The following DLG2 variants were observed in gnomAD, a reference collection of about 807,000 sequenced individuals.
The protein encoded by DLG2 is disks large homolog 2.
In DLG2, 45 loss-of-function variants were observed where a neutral mutation model predicts 132.5. The ratio of observed to expected loss-of-function variants is 0.34; its 90% CI spans 0.27 to 0.44. The LOEUF (loss-of-function observed/expected upper bound fraction) is 0.44. DLG2 is among the 20% of genes least tolerant of loss of function. The probability of loss-of-function intolerance (pLI) is 1.00; values close to 1 mark genes in which losing one functional copy is unlikely to be tolerated. For synonymous variants in DLG2, 424 were observed against 419.6 expected, an observed-to-expected ratio of 1.01 and a Z score of -0.13; for missense variants, 1,045 against 1,196.9, an observed-to-expected ratio of 0.87 and a Z score of 1.87.
chr11:84,870,690 A>G (rs1289066262), intron 6 of DLG2, among the ~76,000 whole-genome samples: 1 of 152,212 alleles, frequency 6.6e-6, no homozygotes, highest in Non-Finnish European at 1.5e-5. Flanking sequence ...TAATACACAC[A>G]TTTATATATT....
chr11:84,373,265 C>CAAAAAAAAA (rs59038372), intron 7 of DLG2, among the ~76,000 whole-genome samples: 1,257 of 98,022 alleles, frequency 0.013, 75 homozygotes, highest in Non-Finnish European at 0.016. Context: ...AAAAAAAAAA[C>CAAAAAAAAA]AAAACAAAAA....
intron 17 of DLG2, chr11:83,789,900 A>G (rs1255222252): frequency 2.6e-6 from 2 of 759,458 alleles, no homozygotes; most frequent in Non-Finnish European, 3.8e-6. Flanking sequence ...GATGGCAATG[A>G]AAGTTTGTAA....
chr11:85,209,595 C>CCTTTT (rs1297055312), intron 4 of DLG2, among the ~76,000 whole-genome samples: 1 of 116,936 alleles, frequency 8.6e-6, no homozygotes, highest in South Asian at 2.8e-4. Context: ...ACCCAGCTAA[C>CCTTTT]TTTTTTTTTT....
At chr11:84,553,779 C>A (rs539995443) in intron 6 of DLG2, among the ~76,000 whole-genome samples, 12 of 152,266 alleles carry the variant, frequency 7.9e-5, no homozygotes, top group South Asian at 2.1e-4. Context: ...TATTGTGGAC[C>A]ATTCACATGT....
chr11:85,259,366 G>A (rs1914372), intron 4 of DLG2, among the ~76,000 whole-genome samples: 11,299 of 152,080 alleles, frequency 0.074, 734 homozygotes, highest in African/African-American at 0.17. Context: ...GCAGAAGCCT[G>A]TATATCCTGC....
In DLG2 at chr11:84,674,098, T is replaced by C. The variant is rs192055493; in HGVS notation, c.358-139367A>G. Among the ~76,000 whole-genome samples the C allele has an allele frequency of 8.3e-4, 126 of 152,272 alleles. 1 individual carries two copies. The highest frequency in any genetic ancestry group is 8.2e-3 in the Admixed American group (126 of 15,288). ...CTAGAACTGAAAGACAAAAATAGAA[T>C]TGGGCACAGTAGTGAAAGCAACATA... On this transcript the variant is annotated intron_variant, in intron 6 of 27. Transcript: ENST00000376104.
chr11:84,656,362 T>C (rs2099688259), intron 6 of DLG2, among the ~76,000 whole-genome samples: 1 of 152,136 alleles, frequency 6.6e-6, no homozygotes. Flanking sequence ...ATATAAAACA[T>C]AGGTCTGCTT....
At chr11:84,089,152 C>T (rs1415668639) in intron 10 of DLG2, among the ~76,000 whole-genome samples, 2 of 152,138 alleles carry the variant, frequency 1.3e-5, no homozygotes, top group African/African-American at 4.8e-5. Context: ...ATCTCTTATG[C>T]TATTTCCACT....
chr11:84,368,409 C>G (rs936274763), intron 7 of DLG2, among the ~76,000 whole-genome samples: 1 of 151,920 alleles, frequency 6.6e-6, no homozygotes, highest in Non-Finnish European at 1.5e-5. Flanking sequence ...TATAAATATT[C>G]TCCCAAGGTA....
chr11:85,334,723 ATTGTATTGTT>A (rs2152845695), intron 3 of DLG2, among the ~76,000 whole-genome samples: 1 of 152,078 alleles, frequency 6.6e-6, no homozygotes, highest in African/African-American at 2.4e-5. Context: ...TTTCCATATA[ATTGTATTGTT>A]TTGAGATATC....
intron 4 of DLG2, among the ~76,000 whole-genome samples, chr11:85,177,322 A>C (rs2079359311): frequency 6.6e-6 from 1 of 151,450 alleles, no homozygotes; most frequent in African/African-American, 2.4e-5. Context: ...CATACATACC[A>C]GGGAATACTA....
chr11:83,880,475 G>A (rs1190201325), intron 15 of DLG2, among the ~76,000 whole-genome samples: 1 of 152,178 alleles, frequency 6.6e-6, no homozygotes, highest in African/African-American at 2.4e-5. Context: ...ATCTGGCTGG[G>A]TAGGCATTTC....
At chr11:85,392,424 C>G (rs1196123441) in intron 3 of DLG2, among the ~76,000 whole-genome samples, 1 of 142,986 alleles carries the variant, frequency 7.0e-6, no homozygotes. Flanking sequence ...CTTCACAAAA[C>G]TAAAAAAAAA....
At chr11:84,499,318 T>A (rs1022393124) in intron 7 of DLG2, among the ~76,000 whole-genome samples, 2 of 152,198 alleles carry the variant, frequency 1.3e-5, no homozygotes, top group East Asian at 3.8e-4. Context: ...ATGGCAGATT[T>A]CAGATTGAAG....
At chr11:83,615,865 T>A (rs1416138455) in intron 19 of DLG2, among the ~76,000 whole-genome samples, 2 of 152,242 alleles carry the variant, frequency 1.3e-5, no homozygotes, top group Non-Finnish European at 2.9e-5. Flanking sequence ...CACAGCCTGC[T>A]GATACCTTGA....
At chr11:85,315,860 A>G (rs1054266511) in intron 3 of DLG2, among the ~76,000 whole-genome samples, 2 of 151,950 alleles carry the variant, frequency 1.3e-5, no homozygotes, top group African/African-American at 4.8e-5. Flanking sequence ...TCAGAGGAGC[A>G]GTTTCAGATC....
chr11:83,865,146 C>A (rs373867295), intron 16 of DLG2, among the ~76,000 whole-genome samples: 2 of 152,046 alleles, frequency 1.3e-5, no homozygotes, highest in African/African-American at 4.8e-5. Flanking sequence ...AAAGACAAGA[C>A]GGAAAAGGAC....
chr11:83,936,992 G>A (rs1412654554), intron 14 of DLG2, among the ~76,000 whole-genome samples: 1 of 152,094 alleles, frequency 6.6e-6, no homozygotes, highest in Admixed American at 6.5e-5. Context: ...ATTTGAGGAA[G>A]GTTCAATATG....
intron 6 of DLG2, among the ~76,000 whole-genome samples, chr11:85,034,167 T>A (rs1389300352): frequency 6.6e-6 from 1 of 150,952 alleles, no homozygotes; most frequent in Non-Finnish European, 1.5e-5. Context: ...AAGCTCCACC[T>A]CCCAGGTTCA....
Sources: gnomAD v4.1 joint callset for allele counts (sites outside exome capture counted in the v4.1 genomes callset) on GRCh38, gnomAD v4.1.1 for gene constraint, MANE v1.5 for transcripts, NCBI Gene and HGNC (gene_info 2026-07-23, HGNC 2026-07-21) for gene names.